The following CELF2 variants were observed in gnomAD, a reference collection of about 807,000 sequenced individuals.
CELF2 encodes CUGBP Elav-like family member 2.
A neutral mutation model predicts 62.6 loss-of-function variants in CELF2; 8 were observed. The ratio of observed to expected loss-of-function variants is 0.13; its 90% CI spans 0.07 to 0.23. CELF2 has a LOEUF of 0.23. Among genes scored for constraint, CELF2 ranks in the 10% least tolerant of loss-of-function variants. The pLI, the probability that CELF2 is intolerant of heterozygous loss-of-function variation, is 1.00. For synonymous variants in CELF2, 258 were observed against 250.0 expected (o/e 1.03, Z -0.30); for missense variants, 333 against 671.0 (o/e 0.50, Z 5.56).
At chr10:10,501,899 G>A in the CELF2 span, among the ~76,000 whole-genome samples, 1 of 152,274 alleles carries the variant, frequency 6.6e-6, no homozygotes, top group South Asian at 2.1e-4. Flanking sequence ...AATGTTTGCT[G>A]TAGGTTTTCT....
intron 2 of CELF2, among the ~76,000 whole-genome samples, chr10:11,188,171 T>A (rs1364758036): frequency 6.6e-6 from 1 of 152,208 alleles, no homozygotes; most frequent in Non-Finnish European, 1.5e-5. Context: ...AGTGGTGCAA[T>A]CTCAGCTCAC....
chr10:11,091,108 T>C (rs2048197019), intron 1 of CELF2, among the ~76,000 whole-genome samples: 1 of 152,212 alleles, frequency 6.6e-6, no homozygotes, highest in Non-Finnish European at 1.5e-5. Flanking sequence ...AAAAAAGACA[T>C]AAAGCAGTAA....
the CELF2 span, among the ~76,000 whole-genome samples, chr10:10,723,419 T>A: frequency 6.6e-6 from 1 of 152,244 alleles, no homozygotes; most frequent in Non-Finnish European, 1.5e-5. Flanking sequence ...AGCTGCCCTA[T>A]TGGAGACAAT....
intron 1 of CELF2, among the ~76,000 whole-genome samples, chr10:11,055,121 G>A (rs1020340596): frequency 3.3e-5 from 5 of 152,240 alleles, no homozygotes; most frequent in African/African-American, 1.2e-4. Flanking sequence ...ATGTGTTAAT[G>A]TATTATTCTT....
the CELF2 span, among the ~76,000 whole-genome samples, chr10:10,734,450 C>T: frequency 1.3e-5 from 2 of 152,294 alleles, no homozygotes; most frequent in South Asian, 4.1e-4. Context: ...GTATGTGTGT[C>T]CTCATTTGAC....
At chr10:11,261,926 C>T (rs898572365) in intron 5 of CELF2, among the ~76,000 whole-genome samples, 5 of 152,216 alleles carry the variant, frequency 3.3e-5, no homozygotes, top group Admixed American at 2.0e-4. Flanking sequence ...TCCTAAAATA[C>T]ACACACTCTC....
At chr10:11,215,674 C>G (rs549170709) in intron 2 of CELF2, among the ~76,000 whole-genome samples, 1 of 151,962 alleles carries the variant, frequency 6.6e-6, no homozygotes, top group African/African-American at 2.4e-5. Flanking sequence ...AAGCTAACGC[C>G]ATAAGCCCAG....
rs1282128323 is a variant in CELF2 at position 10,947,935 on chromosome 10, G to T, written c.89+27936G>T. 2.0e-5 allele frequency among the ~76,000 whole-genome samples: 3 copies of T among 152,186 alleles called. No individual in the cohort carries two copies. The highest frequency in any genetic ancestry group is 2.0e-4 in the Admixed American group (3 of 15,286). On this transcript the variant is annotated intron_variant, in intron 2 of 13. Transcript: ENST00000636488. The surrounding 1 kb of genome is among the most constrained non-coding windows in gnomAD (Gnocchi z 4.1). Reference sequence around the variant, plus strand: ...CATGGTAGAAAAATCACAAAGAATTGCCCTTGGGGTGTTAGATATGTACAG... The same window carrying T: ...CATGGTAGAAAAATCACAAAGAATTTCCCTTGGGGTGTTAGATATGTACAG...
intron 9 of CELF2, among the ~76,000 whole-genome samples, chr10:11,298,929 G>T (rs2093448932): frequency 6.6e-6 from 1 of 152,172 alleles, no homozygotes; most frequent in Non-Finnish European, 1.5e-5. Context: ...AAGGTCCAAT[G>T]ATATTTTTCT....
intron 1 of CELF2, among the ~76,000 whole-genome samples, chr10:11,141,605 G>T (rs1410901243): frequency 6.6e-6 from 1 of 152,176 alleles, no homozygotes; most frequent in Non-Finnish European, 1.5e-5. Flanking sequence ...ACCTGGGGTG[G>T]GGAAGAATAC....
In CELF2 at chr10:11,243,359, CAA is replaced by C. The variant is rs35245941; in HGVS notation, c.355-5778_355-5777del. The stretch of plus-strand genomic sequence containing the variant: ...GTGCGGCTTTAGGCAAAATGTTATT[CAA>C]AAAAAAAAAAAAAAAGCTTCTAAAA... On this transcript the variant is annotated intron_variant, in intron 3 of 12. Coordinates refer to ENST00000633077, the MANE Select transcript of CELF2 (RefSeq NM_001326342.2). The surrounding 1 kb of genome is among the most constrained non-coding windows in gnomAD (Gnocchi z 4.1). Among the ~76,000 whole-genome samples, 79 of 91,158 alleles carry C rather than the reference CAA, an allele frequency of 8.7e-4. No homozygotes were observed. The highest frequency in any genetic ancestry group is 1.1e-3 in the African/African-American group (31 of 28,144). The allele number at this position is 91,158 out of a possible 152,430, so 59.8% of individuals were successfully genotyped here. A position where few individuals can be genotyped will look rare whatever the true frequency, so the allele number is the denominator to read the frequency against.
At chr10:10,856,814 T>G (rs2059740702) in intron 1 of CELF2, among the ~76,000 whole-genome samples, 1 of 152,186 alleles carries the variant, frequency 6.6e-6, no homozygotes, top group Non-Finnish European at 1.5e-5. Context: ...TGTAGTATCT[T>G]CCGTCTTCAA....
At chr10:10,907,230 A>G (rs1007599863) in intron 1 of CELF2, among the ~76,000 whole-genome samples, 3 of 152,210 alleles carry the variant, frequency 2.0e-5, no homozygotes, top group Non-Finnish European at 4.4e-5. Context: ...AATAATTCAT[A>G]TACAGCTATA....
At chr10:10,845,331 C>CA (rs35114307) in intron 1 of CELF2, among the ~76,000 whole-genome samples, 13,073 of 121,914 alleles carry the variant, frequency 0.11, 714 homozygotes, top group East Asian at 0.25. Context: ...TTCATTGCTC[C>CA]AAAAAAAAAA....
At chr10:10,525,070 A>C in the CELF2 span, among the ~76,000 whole-genome samples, 1 of 152,204 alleles carries the variant, frequency 6.6e-6, no homozygotes, top group South Asian at 2.1e-4. Flanking sequence ...ATATTTGCAT[A>C]CGTTGTGGAA....
At chr10:10,511,940 C>T in the CELF2 span, among the ~76,000 whole-genome samples, 1 of 152,144 alleles carries the variant, frequency 6.6e-6, no homozygotes, top group Non-Finnish European at 1.5e-5. Context: ...ATATCTGTTT[C>T]TTCTTCGTAA....
At chr10:10,775,449 G>A in the CELF2 span, among the ~76,000 whole-genome samples, 1 of 151,884 alleles carries the variant, frequency 6.6e-6, no homozygotes, top group Non-Finnish European at 1.5e-5. Context: ...GGCCAACATG[G>A]TAAAACCCAG....
the CELF2 span, among the ~76,000 whole-genome samples, chr10:10,496,205 T>C: frequency 5.7e-4 from 87 of 152,342 alleles, 1 homozygote; most frequent in Middle Eastern, 6.8e-3. Flanking sequence ...TGTACAATCC[T>C]GAACTCTTAT....
intron 1 of CELF2, among the ~76,000 whole-genome samples, chr10:11,066,749 A>T (rs1265618923): frequency 6.6e-6 from 1 of 151,638 alleles, no homozygotes; most frequent in South Asian, 2.1e-4. Context: ...CTTGTTGGGG[A>T]CTCATCTGTG....
Sources: gnomAD v4.1 joint callset for allele counts (sites outside exome capture counted in the v4.1 genomes callset) on GRCh38, gnomAD v4.1.1 for gene constraint, Gnocchi (gnomAD v3.1) non-coding constraint, MANE v1.5 for transcripts, NCBI Gene and HGNC (gene_info 2026-07-23, HGNC 2026-07-21) for gene names.